Variants in RPS6KA2 observed in about 807,000 individuals in gnomAD.
The protein encoded by RPS6KA2 is ribosomal protein S6 kinase alpha-2.
A neutral mutation model predicts 91.8 loss-of-function variants in RPS6KA2; 42 were observed. The observed-to-expected ratio is 0.46, with a 90% CI of 0.36 to 0.59. RPS6KA2 has a LOEUF of 0.59. Among genes scored for constraint, RPS6KA2 ranks in the 20% least tolerant of loss-of-function variants. The pLI is 0.00. For synonymous variants in RPS6KA2, 414 were observed against 393.6 expected, an observed-to-expected ratio of 1.05 and a Z score of -0.61; for missense variants, 798 against 978.5, an observed-to-expected ratio of 0.82 and a Z score of 2.46.
intron 2 of RPS6KA2, chr6:166,757,506 T>C (rs776759697): frequency 2.2e-6 from 1 of 455,942 alleles, no homozygotes; most frequent in Non-Finnish European, 4.4e-6. Context: ...GGACCCCCAT[T>C]TCCTGCGAGC....
intron 1 of RPS6KA2, among the ~76,000 whole-genome samples, chr6:166,601,509 T>A (rs1162245597): frequency 6.6e-6 from 1 of 152,208 alleles, no homozygotes; most frequent in Non-Finnish European, 1.5e-5. Context: ...GTATTAGCTA[T>A]CAAGACTTCT....
At chr6:166,559,864 G>A (rs1245773671) in intron 1 of RPS6KA2, among the ~76,000 whole-genome samples, 2 of 152,178 alleles carry the variant, frequency 1.3e-5, no homozygotes, top group Non-Finnish European at 1.5e-5. Flanking sequence ...ATATCAAGAG[G>A]CCTCTTAAAA....
intron 11 of RPS6KA2, among the ~76,000 whole-genome samples, chr6:166,461,272 G>A (rs539556299): frequency 6.6e-6 from 1 of 152,224 alleles, no homozygotes; most frequent in South Asian, 2.1e-4. Flanking sequence ...ATGAAAAGAC[G>A]CTGCTTTCTG....
At chr6:166,541,455 T>G (rs1783650930) in intron 1 of RPS6KA2, among the ~76,000 whole-genome samples, 1 of 152,250 alleles carries the variant, frequency 6.6e-6, no homozygotes, top group Non-Finnish European at 1.5e-5. Flanking sequence ...CCATGGGTCC[T>G]GGTCCCCTTC....
chr6:166,521,005 G>A (rs1174565344), intron 3 of RPS6KA2, among the ~76,000 whole-genome samples: 1 of 152,236 alleles, frequency 6.6e-6, no homozygotes, highest in Non-Finnish European at 1.5e-5. Context: ...CTCACATCAT[G>A]GGCTGCCCAC....
At chr6:166,763,043 G>A (rs1428622261) in intron 2 of RPS6KA2, among the ~76,000 whole-genome samples, 1 of 152,202 alleles carries the variant, frequency 6.6e-6, no homozygotes, top group Non-Finnish European at 1.5e-5. Context: ...GTGATTTATT[G>A]TTATTACATT....
intron 1 of RPS6KA2, among the ~76,000 whole-genome samples, chr6:166,613,479 C>A (rs1008870389): frequency 1.3e-5 from 2 of 152,366 alleles, no homozygotes; most frequent in South Asian, 4.1e-4. Context: ...AACCCACACC[C>A]TGAGCTACTC....
intron 2 of RPS6KA2, among the ~76,000 whole-genome samples, chr6:166,786,058 T>C (rs1778921410): frequency 6.6e-6 from 1 of 152,176 alleles, no homozygotes; most frequent in Non-Finnish European, 1.5e-5. Flanking sequence ...TTTTCAACAA[T>C]CATTTATGGG....
At chr6:166,730,158 CTG>C (rs1171253437) in intron 2 of RPS6KA2, among the ~76,000 whole-genome samples, 2 of 152,162 alleles carry the variant, frequency 1.3e-5, no homozygotes, top group Non-Finnish European at 2.9e-5. Context: ...AACTGAATAA[CTG>C]TTATTTTACA....
chr6:166,459,593 C>T lies in RPS6KA2; in HGVS notation c.973-42G>A. The T allele has an allele frequency of 7.1e-7, 1 of 1,417,602 alleles. No homozygotes were observed. The allele number at this position is 1,417,602 out of a possible 1,614,324, so 87.8% of individuals were successfully genotyped here. ...AGCAAGACAGGGCACTGAGGATGCA[C>T]AGACATTGCCACAGAACACTGGGGA... On this transcript the variant is annotated intron_variant, in intron 11 of 20. Transcript: ENST00000265678. This position sits in a 1 kb window ranked among gnomAD's most constrained non-coding sequence, Gnocchi z 4.9.
chr6:166,416,299 TCCATCACCTCTACCATCACCCTCCA>T (rs1301915135), intron 19 of RPS6KA2, among the ~76,000 whole-genome samples: 1 of 84,794 alleles, frequency 1.2e-5, no homozygotes, highest in Non-Finnish European at 2.5e-5. Flanking sequence ...CCATCCCTCC[TCCATCACCTCTACCATCACCCTCCA>T]CCATCATCTC....
intron 10 of RPS6KA2, among the ~76,000 whole-genome samples, chr6:166,483,650 C>A (rs966916457): frequency 6.6e-6 from 1 of 152,208 alleles, no homozygotes; most frequent in African/African-American, 2.4e-5. Flanking sequence ...GAAGCTCATA[C>A]ATGGTCTTCT....
At chr6:166,520,945 A>G (rs1392002515) in intron 3 of RPS6KA2, among the ~76,000 whole-genome samples, 1 of 152,092 alleles carries the variant, frequency 6.6e-6, no homozygotes, top group African/African-American at 2.4e-5. Flanking sequence ...CCCAGGGTAG[A>G]ATGATTTAAA....
At chr6:166,489,148 G>C (rs1448145055) in intron 9 of RPS6KA2, among the ~76,000 whole-genome samples, 1 of 152,118 alleles carries the variant, frequency 6.6e-6, no homozygotes, top group Non-Finnish European at 1.5e-5. Context: ...AGAAAGTAAA[G>C]TGAGAAATTT....
Position 166,802,041 on chromosome 6 carries a change from A to T in RPS6KA2, c.123+56159T>A, listed in dbSNP as rs373388850. ...GGGAGGCTGAGGCAGGCGGATCATG[A>T]GGTCAGGAGATCGAGACCATCCTGG... On this transcript the variant is annotated intron_variant, in intron 2 of 21. Transcript: ENST00000503859. Among the ~76,000 whole-genome samples, 21 of 152,052 alleles carry T rather than the reference A, an allele frequency of 1.4e-4. No individual in the cohort carries two copies. In the South Asian group the frequency reaches 4.4e-3, roughly 32 times the overall value.
rs3799641 is a variant in RPS6KA2 at position 166,540,916 on chromosome 6, T to C, written c.100-2132A>G. Among the ~76,000 whole-genome samples, 85 of 152,322 alleles carry C rather than the reference T, an allele frequency of 5.6e-4. 5 individuals are homozygous for C. In the East Asian group the frequency reaches 0.016, roughly 28 times the overall value. On this transcript the variant is annotated intron_variant, in intron 1 of 20. Coordinates refer to ENST00000265678, the MANE Select transcript of RPS6KA2 (RefSeq NM_021135.6). ...CAAAAAAATTCATCATGGAAACATG[T>C]ATGCTATCTTTTCCCGTCATTGACC...
At chr6:166,625,347 G>C (rs1479428349) in intron 1 of RPS6KA2, among the ~76,000 whole-genome samples, 1 of 47,554 alleles carries the variant, frequency 2.1e-5, no homozygotes, top group African/African-American at 9.8e-5. Context: ...CCCCCCGCTT[G>C]TTTCCCACTG....
chr6:166,533,362 G>C lies in RPS6KA2; in HGVS notation c.217-2049C>G, dbSNP rs1783360865. ...GCGCAGCCCAGGAGTCCAGGAGCTGGGCAAGGCTGCGTGAGCGTCCCGGTG... is the reference window on the plus strand; with the variant it reads ...GCGCAGCCCAGGAGTCCAGGAGCTGCGCAAGGCTGCGTGAGCGTCCCGGTG... On this transcript the variant is annotated intron_variant, in intron 2 of 20. Coordinates refer to ENST00000265678, the MANE Select transcript of RPS6KA2 (RefSeq NM_021135.6). This position sits in a 1 kb window ranked among gnomAD's most constrained non-coding sequence, Gnocchi z 4.0. Among the ~76,000 whole-genome samples, 2 of 152,238 alleles carry C rather than the reference G, an allele frequency of 1.3e-5. No homozygotes were observed. The highest frequency in any genetic ancestry group is 4.1e-4 in the South Asian group (2 of 4,834).
At chr6:166,808,593 G>C (rs761587209) in intron 2 of RPS6KA2, among the ~76,000 whole-genome samples, 1 of 152,148 alleles carries the variant, frequency 6.6e-6, no homozygotes, top group Non-Finnish European at 1.5e-5. Flanking sequence ...TGAATCAGAT[G>C]ATGCATTTTA....
Sources: allele counts gnomAD v4.1 joint callset (sites outside exome capture counted in the v4.1 genomes callset), GRCh38; gene constraint gnomAD v4.1.1; non-coding constraint Gnocchi (gnomAD v3.1); transcripts MANE v1.5; gene names NCBI Gene and HGNC (gene_info 2026-07-23, HGNC 2026-07-21).